MEGF11: variants seen among roughly 807,000 people sequenced by gnomAD.
MEGF11 encodes the protein multiple EGF like domains 11, also known as multiple epidermal growth factor-like domains protein 11.
Under a neutral mutation model 146.6 loss-of-function variants are expected in MEGF11, and 126 were observed. The ratio of observed to expected loss-of-function variants is 0.86; its 90% CI spans 0.74 to 1.00. The LOEUF (loss-of-function observed/expected upper bound fraction) is 1.00. Ranked by LOEUF, MEGF11 falls within the 50% of genes least tolerant of loss-of-function variation. MEGF11 has a pLI of 0.00. For missense variants in MEGF11, 1,509 were observed against 1,521.2 expected (o/e 0.99, Z 0.13); for synonymous variants, 532 against 583.4 (o/e 0.91, Z 1.27).
Position 65,966,597 on chromosome 15 carries a change from C to A in MEGF11, c.900-1477G>T, listed in dbSNP as rs756365574. Among the ~76,000 whole-genome samples the A allele has an allele frequency of 4.6e-5, 7 of 152,140 alleles. No homozygotes were observed. In the South Asian group the frequency reaches 6.2e-4, roughly 14 times the overall value. On this transcript the variant is annotated intron_variant, in intron 8 of 25. Transcript: ENST00000395614. The stretch of plus-strand genomic sequence containing the variant: ...CATTGGACTATAGAATGCCCTGTGA[C>A]AAGGCTATTTTCCCTTCCTTGGAAG...
intron 1 of MEGF11, among the ~76,000 whole-genome samples, chr15:66,146,309 C>T (rs1464979680): frequency 6.6e-6 from 1 of 152,214 alleles, no homozygotes; most frequent in African/African-American, 2.4e-5. Flanking sequence ...CATGGTTTGC[C>T]TCCCCTCTCC....
chr15:66,108,624 A>C (rs758207899), intron 4 of MEGF11, among the ~76,000 whole-genome samples: 8 of 152,156 alleles, frequency 5.3e-5, no homozygotes, highest in Non-Finnish European at 1.0e-4. Flanking sequence ...CCGTGTGGCT[A>C]TCTGGGGAAG....
chr15:66,218,979 C>CAGAAAAAAAA (rs2091658583), intron 1 of MEGF11, among the ~76,000 whole-genome samples: 1 of 86,942 alleles, frequency 1.2e-5, no homozygotes, highest in Non-Finnish European at 2.1e-5. Context: ...TATCCACAGG[C>CAGAAAAAAAA]AAAAAAAAAA....
chr15:66,223,695 C>G (rs985397890), intron 1 of MEGF11, among the ~76,000 whole-genome samples: 2 of 151,986 alleles, frequency 1.3e-5, no homozygotes, highest in Non-Finnish European at 2.9e-5. Context: ...TGCGCTCCAG[C>G]CTGGGCAACA....
At chr15:65,998,661 G>C (rs1261972953) in intron 5 of MEGF11, among the ~76,000 whole-genome samples, 2 of 152,224 alleles carry the variant, frequency 1.3e-5, no homozygotes, top group South Asian at 2.1e-4. Context: ...TCACGGTGGT[G>C]GTGGGTCCCC....
intron 7 of MEGF11, among the ~76,000 whole-genome samples, chr15:65,971,569 G>A (rs75376009): frequency 1.5e-3 from 236 of 152,260 alleles, no homozygotes; most frequent in African/African-American, 5.3e-3. Flanking sequence ...TCCCTGCTGC[G>A]CTCCTAAAGG....
chr15:65,933,989 G>T (rs1356535249), intron 10 of MEGF11, among the ~76,000 whole-genome samples: 2 of 152,182 alleles, frequency 1.3e-5, no homozygotes. Flanking sequence ...CTTAGGGAAA[G>T]AATACCTTGT....
chr15:66,165,379 T>C lies in MEGF11; in HGVS notation c.-8-36968A>G, dbSNP rs149262425. 2.9e-3 allele frequency among the ~76,000 whole-genome samples: 439 copies of C among 152,274 alleles called. 3 individuals carry two copies. The highest frequency in any genetic ancestry group is 0.016 in the East Asian group (83 of 5,174). On this transcript the variant is annotated intron_variant, in intron 1 of 25. Transcript: ENST00000395614. Reference sequence around the variant, plus strand: ...CATGAAGTCCCTGATATACAGCAGGTGTCCACAGGGCAGCTGACCTTGTCA... The same window carrying C: ...CATGAAGTCCCTGATATACAGCAGGCGTCCACAGGGCAGCTGACCTTGTCA...
chr15:66,072,233 T>C (rs2085398900), intron 5 of MEGF11, among the ~76,000 whole-genome samples: 1 of 152,148 alleles, frequency 6.6e-6, no homozygotes. Context: ...CAAATTTTCT[T>C]CTGCTGAGTC....
intron 5 of MEGF11, among the ~76,000 whole-genome samples, chr15:66,031,162 C>G (rs981366626): frequency 8.5e-5 from 13 of 152,204 alleles, no homozygotes; most frequent in Non-Finnish European, 8.8e-5. Flanking sequence ...TTGATGGGGT[C>G]TGTCTTCTAC....
chr15:66,249,429 A>G (rs2092340971), intron 1 of MEGF11, among the ~76,000 whole-genome samples: 1 of 152,226 alleles, frequency 6.6e-6, no homozygotes, highest in African/African-American at 2.4e-5. Context: ...TAACACTGCT[A>G]TAATAAACCC....
intron 1 of MEGF11, among the ~76,000 whole-genome samples, chr15:66,183,305 A>G (rs974349913): frequency 6.6e-6 from 1 of 152,064 alleles, no homozygotes; most frequent in Non-Finnish European, 1.5e-5. Context: ...TTCGAGACCA[A>G]CCTGGCCAAC....
intron 5 of MEGF11, among the ~76,000 whole-genome samples, chr15:66,044,660 G>C (rs904474240): frequency 1.4e-5 from 2 of 142,792 alleles, no homozygotes; most frequent in Non-Finnish European, 3.0e-5. Context: ...GGGCAAGGTA[G>C]CAAGACCTCG....
intron 1 of MEGF11, among the ~76,000 whole-genome samples, chr15:66,190,220 C>T (rs1182953347): frequency 6.6e-6 from 1 of 152,184 alleles, no homozygotes; most frequent in Non-Finnish European, 1.5e-5. Context: ...ATGGATTATT[C>T]TGCAGTTGGA....
At chr15:65,967,414 C>T (rs376125857) in intron 8 of MEGF11, among the ~76,000 whole-genome samples, 1 of 152,022 alleles carries the variant, frequency 6.6e-6, no homozygotes, top group East Asian at 1.9e-4. Flanking sequence ...TGTATATCTT[C>T]TACAGTAATC....
intron 9 of MEGF11, among the ~76,000 whole-genome samples, chr15:65,958,299 A>G (rs1013301098): frequency 6.6e-6 from 1 of 152,220 alleles, no homozygotes; most frequent in Non-Finnish European, 1.5e-5. Context: ...AGGCTCTTTA[A>G]CAGTGAGCAA....
chr15:66,144,285 A>G lies in MEGF11; in HGVS notation c.-8-15874T>C, dbSNP rs529503424. ...CCAAAAGCTCCCCCAGGTGATTCCA[A>G]TGAGCAGCCAAGATGGAGAACCACC... On this transcript the variant is annotated intron_variant, in intron 1 of 25. Transcript: ENST00000395614. Among the ~76,000 whole-genome samples the G allele has an allele frequency of 8.5e-5, 13 of 152,176 alleles. No individual in the cohort carries two copies. In the East Asian group the frequency reaches 9.7e-4, roughly 11 times the overall value.
chr15:65,996,728 T>G (rs903652680), intron 5 of MEGF11, among the ~76,000 whole-genome samples: 3 of 152,110 alleles, frequency 2.0e-5, no homozygotes, highest in Non-Finnish European at 4.4e-5. Flanking sequence ...TCCAGTGATC[T>G]GCCCACCTCA....
chr15:65,982,468 C>A lies in MEGF11; in HGVS notation c.415G>T (p.Gly139Trp). The A allele has an allele frequency of 6.8e-7, 1 of 1,480,678 alleles. No homozygotes were observed. Among genetic ancestry groups the A allele is most frequent in the East Asian group, 2.5e-5 (1 of 40,526 alleles). The allele number at this position is 1,480,678 out of a possible 1,614,324, so 91.7% of individuals were successfully genotyped here. Reference protein sequence around the residue: ...CSSGCDSDHWGPHCSNRCQCQ... With the variant: ...CSSGCDSDHWWPHCSNRCQCQ... The stretch of plus-strand genomic sequence containing the variant: ...TGGCACCGGTTGCTGCAGTGGGGCC[C>A]CCAGTGGTCGCTGTCGCAGCCTGCA... The change falls in exon 6 of 26, where the codon GGG (glycine) becomes TGG (tryptophan). Residue 139 changes from glycine (G) to tryptophan (W), a missense_variant. By Grantham distance (184) the Gly-to-Trp change is radical. Transcript: ENST00000395614. This position sits in a 1 kb window ranked among gnomAD's most constrained non-coding sequence, Gnocchi z 5.6.
Sources: gnomAD v4.1 joint callset for allele counts (sites outside exome capture counted in the v4.1 genomes callset) on GRCh38, gnomAD v4.1.1 for gene constraint, Gnocchi (gnomAD v3.1) non-coding constraint, MANE v1.5 for transcripts, NCBI Gene and HGNC (gene_info 2026-07-23, HGNC 2026-07-21) for gene names.